Variants in ELAVL3 observed in about 807,000 individuals in gnomAD.
The protein encoded by ELAVL3 is ELAV like RNA binding protein 3.
Under a neutral mutation model 34.2 loss-of-function variants are expected in ELAVL3, and 8 were observed. The ratio of observed to expected loss-of-function variants is 0.23; its 90% CI spans 0.14 to 0.42. The LOEUF is 0.42. ELAVL3 is among the 10% of genes least tolerant of loss of function. The pLI, the probability that ELAVL3 is intolerant of heterozygous loss-of-function variation, is 1.00. For synonymous variants in ELAVL3, 209 were observed against 222.1 expected, an observed-to-expected ratio of 0.94 and a Z score of 0.53; for missense variants, 273 against 518.8, an observed-to-expected ratio of 0.53 and a Z score of 4.60.
intron 1 of ELAVL3, among the ~76,000 whole-genome samples, chr19:11,472,197 T>C (rs553350635): frequency 6.6e-6 from 1 of 152,060 alleles, no homozygotes; most frequent in East Asian, 1.9e-4. Flanking sequence ...AATTACAAAA[T>C]TAGCCAGGTG....
At chr19:11,476,791 C>T (rs1025472789) in intron 1 of ELAVL3, among the ~76,000 whole-genome samples, 1 of 151,850 alleles carries the variant, frequency 6.6e-6, no homozygotes, top group Admixed American at 6.6e-5. Context: ...CTCAACTACT[C>T]GAGAGGCTGA....
rs1298384019 is a variant in ELAVL3 at position 11,454,792 on chromosome 19, C to A, written c.838G>T (p.Ala280Ser). The change falls in exon 7 of 7, where the codon GCG becomes TCG. Residue 280 changes from alanine to serine, a missense_variant. Ala to Ser is a moderately conservative substitution (Grantham distance 99, BLOSUM62 1). This residue lies in a region of ELAVL3 where 79 missense variants were observed against 108.2 expected (regional missense o/e 0.73). Transcript: ENST00000359227. This position sits in a 1 kb window ranked among gnomAD's most constrained non-coding sequence, Gnocchi z 9.2. ...LAGVGLSGGAAGAGWCIFVYN... is the reference protein window; with the variant it reads ...LAGVGLSGGASGAGWCIFVYN... Reference sequence around the variant, plus strand: ...ACGAAGATGCACCAGCCGGCGCCCGCCGCGCCCCCCGACAGGCCCACGCCC... The same window carrying A: ...ACGAAGATGCACCAGCCGGCGCCCGACGCGCCCCCCGACAGGCCCACGCCC... 3.1e-6 allele frequency: 5 copies of A among 1,612,778 alleles called. No individual in the cohort carries two copies. The highest frequency in any genetic ancestry group is 4.2e-6 in the Non-Finnish European group (5 of 1,179,738).
At position 11,466,765 on chromosome 19, in the gene ELAVL3, G is replaced by A. The variant is rs1189051625; in HGVS notation, c.72C>T (p.Asn24=). Residue 24 remains asparagine (N), a synonymous_variant, in exon 2 of 7, where the codon AAC becomes AAT. Coordinates refer to ENST00000359227, the MANE Select transcript of ELAVL3 (RefSeq NM_001420.4). This position sits in a 1 kb window ranked among gnomAD's most constrained non-coding sequence, Gnocchi z 5.0. ...CTCCATTTGTACCAAGGAGTGGCCC[G>A]TTGGGCAGGGCCGGGCCGGCCGGGC... The part of the protein sequence containing the change: ...GGGPAGPALP[N]GPLLGTNGAT... The A allele has an allele frequency of 6.2e-6, 10 of 1,613,992 alleles. No homozygotes were observed. The highest frequency in any genetic ancestry group is 2.2e-5 in the East Asian group (1 of 44,880).
intron 1 of ELAVL3, among the ~76,000 whole-genome samples, chr19:11,479,471 G>A (rs980714914): frequency 6.6e-6 from 1 of 152,136 alleles, no homozygotes. Flanking sequence ...GTGGAAGAGG[G>A]AGGCCCAGGC....
In ELAVL3 at chr19:11,458,615, G is replaced by A. The variant is rs1416995007; in HGVS notation, c.334-4C>T. The A allele has an allele frequency of 1.2e-6, 2 of 1,613,444 alleles. No homozygotes were observed. ...AACTGGGTCTGGCATAGGACACCTGGGTGAGGGGGTCAGATGGACAGGGGT... is the reference window on the plus strand; with the variant it reads ...AACTGGGTCTGGCATAGGACACCTGAGTGAGGGGGTCAGATGGACAGGGGT... On this transcript the variant is annotated splice_polypyrimidine_tract_variant and splice_region_variant and intron_variant, in intron 3 of 6. Transcript: ENST00000359227. This position sits in a 1 kb window ranked among gnomAD's most constrained non-coding sequence, Gnocchi z 7.3.
Position 11,451,536 on chromosome 19 carries a change from A to G in ELAVL3, c.*2990T>C, listed in dbSNP as rs1970632942. ...TTTTTACAGTTTTTTATCACCTCCA[A>G]CATGGACTCTGTCGTGATTTGAAAC... On this transcript the variant is annotated 3_prime_UTR_variant, in exon 7 of 7. Transcript: ENST00000359227. 7.2e-6 allele frequency: 1 copy of G among 138,066 alleles called. No homozygotes were observed. Among genetic ancestry groups the G allele is most frequent in the Non-Finnish European group, 1.5e-5 (1 of 65,554 alleles). 8.6% of individuals were successfully genotyped at this position (138,066 alleles called of 1,614,324 possible).
rs1180453837 is a variant in ELAVL3 at position 11,480,052 on chromosome 19, G to A, written c.9+548C>T. Among the ~76,000 whole-genome samples the A allele has an allele frequency of 6.6e-6, 1 of 151,584 alleles. No individual in the cohort carries two copies. The highest frequency in any genetic ancestry group is 1.5e-5 in the Non-Finnish European group (1 of 67,786). On this transcript the variant is annotated intron_variant, in intron 1 of 6. Coordinates refer to ENST00000359227, the MANE Select transcript of ELAVL3 (RefSeq NM_001420.4). This position sits in a 1 kb window ranked among gnomAD's most constrained non-coding sequence, Gnocchi z 6.8. ...CGGCAGCAGCGGCGGCGGGCCCGCG[G>A]GGCCTCCGGGCGCGCCCCCTCCTCT...
intron 1 of ELAVL3, among the ~76,000 whole-genome samples, chr19:11,471,811 C>T (rs929525343): frequency 1.3e-5 from 2 of 152,056 alleles, no homozygotes; most frequent in Non-Finnish European, 2.9e-5. Flanking sequence ...ACTCACTATG[C>T]GTCTTTGGAT....
chr19:11,480,968 C>A lies in ELAVL3; in HGVS notation c.-360G>T. ...CCGCCGCCCCTCGGTCGGTCCTGTC[C>A]GGTCCCGTGTGTTCAAGTCCTCTCC... On this transcript the variant is annotated 5_prime_UTR_variant, in exon 1 of 7. Coordinates refer to ENST00000359227, the MANE Select transcript of ELAVL3 (RefSeq NM_001420.4). The surrounding 1 kb of genome is among the most constrained non-coding windows in gnomAD (Gnocchi z 6.8). The A allele has an allele frequency of 4.3e-6, 1 of 234,624 alleles. No individual in the cohort carries two copies. The allele number at this position is 234,624 out of a possible 1,614,324, so 14.5% of individuals were successfully genotyped here. A position where few individuals can be genotyped will look rare whatever the true frequency, so the allele number is the denominator to read the frequency against.
chr19:11,460,117 C>T (rs958277767), intron 3 of ELAVL3, among the ~76,000 whole-genome samples: 4 of 152,144 alleles, frequency 2.6e-5, no homozygotes, highest in African/African-American at 9.7e-5. Context: ...CCCCAACTCA[C>T]TAATGGCAAC....
intron 1 of ELAVL3, among the ~76,000 whole-genome samples, chr19:11,473,101 C>A (rs548707202): frequency 6.7e-6 from 1 of 149,728 alleles, no homozygotes; most frequent in African/African-American, 2.5e-5. Flanking sequence ...CGCGGTGGCT[C>A]ACACCTGTAA....
At chr19:11,467,010 G>T (rs1971067417) in intron 1 of ELAVL3, among the ~76,000 whole-genome samples, 183 bp from the exon 2 acceptor site, 2 of 152,170 alleles carry the variant, frequency 1.3e-5, no homozygotes, top group African/African-American at 4.8e-5. Context: ...TAAGCATTGG[G>T]GGGAAACAAA....
chr19:11,470,025 C>T (rs1258170138), intron 1 of ELAVL3, among the ~76,000 whole-genome samples: 1 of 151,824 alleles, frequency 6.6e-6, no homozygotes, highest in African/African-American at 2.4e-5. Context: ...CCACTGCACT[C>T]CTGCCTGGGC....
rs758609815 is a variant in ELAVL3 at position 11,466,259 on chromosome 19, G to A, written c.246C>T (p.Tyr82=). ...RDKITGQSLG[Y]GFVNYSDPND... is the part of the protein sequence containing the mutation. ...TGGGGTCAGAATAGTTCACAAACCC[G>A]TAGCCAAGGCTCTGCCCTGTGGGCA... The change falls in exon 3 of 7, where the codon TAC becomes TAT. Residue 82 remains tyrosine, a synonymous_variant. Transcript: ENST00000359227. This position sits in a 1 kb window ranked among gnomAD's most constrained non-coding sequence, Gnocchi z 5.0. 49 of 1,613,638 alleles carry A rather than the reference G, an allele frequency of 3.0e-5. No homozygotes were observed. The highest frequency in any genetic ancestry group is 1.6e-4 in the East Asian group (7 of 44,890).
At chr19:11,464,999 CCA>C (rs1324459467) in intron 3 of ELAVL3, among the ~76,000 whole-genome samples, 84 of 126,480 alleles carry the variant, frequency 6.6e-4, no homozygotes, top group Admixed American at 2.7e-3. Flanking sequence ...ACACCACACA[CCA>C]CACACACATA....
At chr19:11,462,174 CAAAAAAA>C (rs775716481) in intron 3 of ELAVL3, among the ~76,000 whole-genome samples, 2 of 73,740 alleles carry the variant, frequency 2.7e-5, no homozygotes, top group Non-Finnish European at 5.8e-5. Flanking sequence ...GACTCCGTCT[CAAAAAAA>C]AAAAAAAAAA....
intron 1 of ELAVL3, among the ~76,000 whole-genome samples, chr19:11,478,603 G>A (rs188328790): frequency 4.6e-5 from 7 of 152,186 alleles, no homozygotes; most frequent in Admixed American, 3.3e-4. Context: ...AGTCTCCCCC[G>A]ACTTTTGGTT....
intron 1 of ELAVL3, among the ~76,000 whole-genome samples, chr19:11,468,716 A>G: frequency 6.6e-6 from 1 of 152,058 alleles, no homozygotes; most frequent in South Asian, 2.1e-4. Flanking sequence ...ATGAGCCACC[A>G]CGCCCGGCCC....
At position 11,454,870 on chromosome 19, in the gene ELAVL3, A is replaced by G. The variant is rs1208794157; in HGVS notation, c.760T>C (p.Ser254Pro). ...ATCGGCGAGAACCTGGCGATGAGCG[A>G]CAGGGGACTACTTTGGGGGTCACGC... Reference protein sequence around the residue: ...NMAYGVKSPLSLIARFSPIAI... With the variant: ...NMAYGVKSPLPLIARFSPIAI... Residue 254 changes from serine (S) to proline (P), a missense_variant, in exon 7 of 7, where the codon TCG becomes CCG. Around this residue, in one of 4 missense-constraint regions of ELAVL3, gnomAD observed 79 missense variants for 108.2 expected, o/e 0.73. Transcript: ENST00000359227. This position sits in a 1 kb window ranked among gnomAD's most constrained non-coding sequence, Gnocchi z 9.2. 6.3e-7 allele frequency: 1 copy of G among 1,596,506 alleles called. No individual in the cohort carries two copies. Among genetic ancestry groups the G allele is most frequent in the Admixed American group, 1.7e-5 (1 of 59,656 alleles).
Sources: gnomAD v4.1 joint callset for allele counts (sites outside exome capture counted in the v4.1 genomes callset) on GRCh38, gnomAD v4.1.1 for gene constraint, gnomAD v4.1.1 regional missense constraint, Gnocchi (gnomAD v3.1) non-coding constraint, MANE v1.5 for transcripts, NCBI Gene and HGNC (gene_info 2026-07-23, HGNC 2026-07-21) for gene names.